The following YOD1 variants were observed in gnomAD, a reference collection of about 807,000 sequenced individuals.
YOD1 encodes the protein YOD1 deubiquitinase, also known as ubiquitin thioesterase OTU1.
A neutral mutation model predicts 23.7 loss-of-function variants in YOD1; 17 were observed. That is an observed-to-expected ratio of 0.72 (90% CI 0.49 to 1.07). The LOEUF (loss-of-function observed/expected upper bound fraction) is 1.07. YOD1 is among the 50% of genes least tolerant of loss of function. YOD1 has a pLI of 0.00. For synonymous variants in YOD1, 191 were observed against 169.6 expected (o/e 1.13, Z -0.98); for missense variants, 413 against 447.2 (o/e 0.92, Z 0.69).
intron 1 of YOD1, 87 bp from the exon 2 acceptor site, chr1:207,049,810 G>T: frequency 7.8e-7 from 1 of 1,274,674 alleles, no homozygotes; most frequent in East Asian, 2.5e-5. Flanking sequence ...ATTACAAACT[G>T]AAGGAGTTAA....
In YOD1 at chr1:207,049,134, A is replaced by T; in HGVS notation, c.933T>A (p.Thr311=). The T allele has an allele frequency of 1.2e-6, 2 of 1,614,142 alleles. 1 individual carries two copies. Among genetic ancestry groups the T allele is most frequent in the East Asian group, 4.5e-5 (2 of 44,860 alleles). Residue 311 remains threonine (T), a synonymous_variant, in exon 2 of 2, where the codon ACT becomes ACA. Coordinates refer to ENST00000315927, the MANE Select transcript of YOD1 (RefSeq NM_018566.4). ...ADEARRRRQF[T]DVNRFTLRCM... ...ATCTCAGGGTGAAGCGGTTGACATCAGTAAACTGTCTCCTTCTTCTAGCTT... is the reference window on the plus strand; with the variant it reads ...ATCTCAGGGTGAAGCGGTTGACATCTGTAAACTGTCTCCTTCTTCTAGCTT...
In YOD1 at chr1:207,048,803, G is replaced by C. The variant is rs1464020131; in HGVS notation, c.*217C>G. ...CTATTCTGTCACTCCAGCAGAAAGA[G>C]GCATGTATGTACAGTTTACCACTGT... is the stretch of plus-strand genomic sequence containing the variant. On this transcript the variant is annotated 3_prime_UTR_variant, in exon 2 of 2. Coordinates refer to ENST00000315927, the MANE Select transcript of YOD1 (RefSeq NM_018566.4). 3 of 523,684 alleles carry C rather than the reference G, an allele frequency of 5.7e-6. No homozygotes were observed. Among genetic ancestry groups the C allele is most frequent in the East Asian group, 3.2e-5 (1 of 30,912 alleles). 32.4% of individuals were successfully genotyped at this position (523,684 alleles called of 1,614,324 possible).
chr1:207,050,962 G>T lies in YOD1; in HGVS notation c.69C>A (p.Ser23=), dbSNP rs757828294. The T allele has an allele frequency of 1.3e-6, 2 of 1,556,182 alleles. No homozygotes were observed. The highest frequency in any genetic ancestry group is 1.7e-6 in the Non-Finnish European group (2 of 1,148,196). ...CAGCTTTGGTCCCGGCAGCCTGTTG[G>T]GAGACGCCGCCGGGGAAACCAGGCG... ...HPAPGFPGGV[S]QQAAGTKAGP... Residue 23 remains serine (S), a synonymous_variant, in exon 1 of 2, where the codon TCC becomes TCA. Coordinates refer to ENST00000315927, the MANE Select transcript of YOD1 (RefSeq NM_018566.4).
chr1:207,047,045 A>G lies in YOD1; in HGVS notation c.*1975T>C, dbSNP rs1682616244. ...ATCTAGTGGTATATTCTTAATTTAC[A>G]GTTTTAAATTTAGTATTTTCTGGGA... On this transcript the variant is annotated 3_prime_UTR_variant, in exon 2 of 2. Transcript: ENST00000315927. The G allele has an allele frequency of 6.6e-6, 1 of 152,494 alleles. No individual in the cohort carries two copies. Among genetic ancestry groups the G allele is most frequent in the Non-Finnish European group, 1.5e-5 (1 of 67,956 alleles). 9.4% of individuals were successfully genotyped at this position (152,494 alleles called of 1,614,324 possible).
Position 207,050,649 on chromosome 1 carries a change from C to T in YOD1, c.343+39G>A, listed in dbSNP as rs202149100. On this transcript the variant is annotated intron_variant, in intron 1 of 1. Transcript: ENST00000315927. The stretch of plus-strand genomic sequence containing the variant: ...GTTCTCTCTCACGCCCCTCTCCATC[C>T]TCCCGGGACTTTCCCTGGCCCCAGC... The T allele has an allele frequency of 1.5e-4, 247 of 1,606,506 alleles. No homozygotes were observed. In the African/African-American group the frequency reaches 3.1e-3, roughly 20 times the overall value.
chr1:207,044,326 A>C lies in YOD1; in HGVS notation c.*4694T>G, dbSNP rs1303531565. 11 of 152,612 alleles carry C rather than the reference A, an allele frequency of 7.2e-5. No individual in the cohort carries two copies. Among genetic ancestry groups the C allele is most frequent in the Non-Finnish European group, 5.9e-5 (4 of 67,988 alleles). The allele number at this position is 152,612 out of a possible 1,614,324, so 9.5% of individuals were successfully genotyped here. A position where few individuals can be genotyped will look rare whatever the true frequency, so the allele number is the denominator to read the frequency against. ...TTTCAAGGAAAAATACTATTCTGCT[A>C]AGTACATATTTCCTGTAAACAGCTG... On this transcript the variant is annotated 3_prime_UTR_variant, in exon 2 of 2. Coordinates refer to ENST00000315927, the MANE Select transcript of YOD1 (RefSeq NM_018566.4).
In YOD1 at chr1:207,050,998, TCCAAAATGGCGACCTTTAGCGGGGC is replaced by T; in HGVS notation, c.8_32del (p.Gly3GlufsTer108). ...CGGGGAAACCAGGCGCCGGGTGGAC[TCCAAAATGGCGACCTTTAGCGGGGC>T]CAAACATCGCGAGAAGTTGCGGGTG... On this transcript the variant is annotated frameshift_variant, in exon 1 of 2. Coordinates refer to ENST00000315927, the MANE Select transcript of YOD1 (RefSeq NM_018566.4). LOFTEE classifies it high-confidence loss of function. 6.5e-7 allele frequency: 1 copy of T among 1,527,356 alleles called. No individual in the cohort carries two copies. Among genetic ancestry groups the T allele is most frequent in the East Asian group, 2.5e-5 (1 of 40,620 alleles). 94.6% of individuals were successfully genotyped at this position (1,527,356 alleles called of 1,614,324 possible).
chr1:207,046,896 G>A lies in YOD1; in HGVS notation c.*2124C>T, dbSNP rs1028495876. 3 of 152,012 alleles carry A rather than the reference G, an allele frequency of 2.0e-5. No homozygotes were observed. The highest frequency in any genetic ancestry group is 6.5e-5 in the Admixed American group (1 of 15,270). The allele number at this position is 152,012 out of a possible 1,614,324, so 9.4% of individuals were successfully genotyped here. ...ATAAATTACTCAATAAATATTTGTT[G>A]CACGAATAAACTTCTAGATCTAAAG... On this transcript the variant is annotated 3_prime_UTR_variant, in exon 2 of 2. Transcript: ENST00000315927.
At position 207,050,956 on chromosome 1, in the gene YOD1, C is replaced by T; in HGVS notation, c.75G>A (p.Gln25=). 6.4e-7 allele frequency: 1 copy of T among 1,565,716 alleles called. No individual in the cohort carries two copies. Among genetic ancestry groups the T allele is most frequent in the Non-Finnish European group, 8.7e-7 (1 of 1,153,882 alleles). Residue 25 remains glutamine, a synonymous_variant, in exon 1 of 2, where the codon CAG becomes CAA. Transcript: ENST00000315927. Reference sequence around the variant, plus strand: ...CGGGGCCAGCTTTGGTCCCGGCAGCCTGTTGGGAGACGCCGCCGGGGAAAC... The same window carrying T: ...CGGGGCCAGCTTTGGTCCCGGCAGCTTGTTGGGAGACGCCGCCGGGGAAAC... ...APGFPGGVSQ[Q]AAGTKAGPAG... is the part of the protein sequence containing the mutation.
Position 207,049,305 on chromosome 1 carries a change from T to C in YOD1, c.762A>G (p.Gly254=). ...AAATAAGCAGAACCCTTTTGGTATA[T>C]CCTGCATCTTCCCCAAAACGATCAA... ...VRIDRFGEDA[G]YTKRVLLIYD... Residue 254 remains glycine, a synonymous_variant, in exon 2 of 2, where the codon GGA becomes GGG. Coordinates refer to ENST00000315927, the MANE Select transcript of YOD1 (RefSeq NM_018566.4). 1 of 1,614,118 alleles carries C rather than the reference T, an allele frequency of 6.2e-7. No homozygotes were observed. Among genetic ancestry groups the C allele is most frequent in the Non-Finnish European group, 8.5e-7 (1 of 1,180,016 alleles).
In YOD1 at chr1:207,043,940, A is replaced by G. The variant is rs537097659; in HGVS notation, c.*5080T>C. On this transcript the variant is annotated 3_prime_UTR_variant, in exon 2 of 2. Transcript: ENST00000315927. ...TACACCTCATAAATAAAATCAATGCATCTTAATGACAATGGCAAAATCACA... is the reference window on the plus strand; with the variant it reads ...TACACCTCATAAATAAAATCAATGCGTCTTAATGACAATGGCAAAATCACA... The G allele has an allele frequency of 2.6e-5, 4 of 152,764 alleles. No homozygotes were observed. In the East Asian group the frequency reaches 5.8e-4, roughly 22 times the overall value. 9.5% of individuals were successfully genotyped at this position (152,764 alleles called of 1,614,324 possible). A position where few individuals can be genotyped will look rare whatever the true frequency, so the allele number is the denominator to read the frequency against.
Position 207,048,442 on chromosome 1 carries a change from G to A in YOD1, c.*578C>T, listed in dbSNP as rs947817532. On this transcript the variant is annotated 3_prime_UTR_variant, in exon 2 of 2. Coordinates refer to ENST00000315927, the MANE Select transcript of YOD1 (RefSeq NM_018566.4). ...ATAAAATCAGTTTGGACAATTCTGA[G>A]TATCTTCATTTGATGAATCAATTCA... 3.2e-5 allele frequency: 5 copies of A among 153,930 alleles called. No individual in the cohort carries two copies. The highest frequency in any genetic ancestry group is 1.2e-4 in the African/African-American group (5 of 41,418). The allele number at this position is 153,930 out of a possible 1,614,324, so 9.5% of individuals were successfully genotyped here.
chr1:207,049,339 G>C lies in YOD1; in HGVS notation c.728C>G (p.Thr243Arg). Reference sequence around the variant, plus strand: ...TTCCCCAAAACGATCAATTCTTACTGTCTGTGTATCCACTACACATATTTC... The same window carrying C: ...TTCCCCAAAACGATCAATTCTTACTCTCTGTGTATCCACTACACATATTTC... ...QCEICVVDTQ[T>R]VRIDRFGEDA... is the part of the protein sequence containing the mutation. The change falls in exon 2 of 2, where the codon ACA becomes AGA. Residue 243 changes from threonine (T) to arginine (R), a missense_variant. Physicochemically the swap from Thr to Arg is moderately conservative, Grantham distance 71. Coordinates refer to ENST00000315927, the MANE Select transcript of YOD1 (RefSeq NM_018566.4). 1.2e-6 allele frequency: 2 copies of C among 1,614,078 alleles called. No homozygotes were observed. Among genetic ancestry groups the C allele is most frequent in the Non-Finnish European group, 1.7e-6 (2 of 1,180,018 alleles).
chr1:207,051,829 G>T (rs1237589034), upstream of YOD1, among the ~76,000 whole-genome samples: 4 of 152,180 alleles, frequency 2.6e-5, no homozygotes, highest in Admixed American at 6.5e-5. Flanking sequence ...TGTATGCCTA[G>T]AACCCAGGAC....
chr1:207,051,020 G>A lies in YOD1; in HGVS notation c.11C>T (p.Pro4Leu), dbSNP rs534842552. The A allele has an allele frequency of 4.0e-6, 6 of 1,509,550 alleles. No homozygotes were observed. The East Asian group carries it at 1.5e-4, about 37-fold the overall frequency. 93.5% of individuals were successfully genotyped at this position (1,509,550 alleles called of 1,614,324 possible). Reference sequence around the variant, plus strand: ...GACTCCAAAATGGCGACCTTTAGCGGGGCCAAACATCGCGAGAAGTTGCGG... The same window carrying A: ...GACTCCAAAATGGCGACCTTTAGCGAGGCCAAACATCGCGAGAAGTTGCGG... MFG[P>L]AKGRHFGVHP... The change falls in exon 1 of 2, where the codon CCC becomes CTC. Residue 4 changes from proline to leucine, a missense_variant. Transcript: ENST00000315927.
Position 207,048,294 on chromosome 1 carries a change from G to A in YOD1, c.*726C>T, listed in dbSNP as rs1293985323. ...TTTTATATGCTAGAGATCTTAAACA[G>A]GGCACAATCAGTTCCTGTTTTGTGA... On this transcript the variant is annotated 3_prime_UTR_variant, in exon 2 of 2. Coordinates refer to ENST00000315927, the MANE Select transcript of YOD1 (RefSeq NM_018566.4). 6.6e-6 allele frequency: 1 copy of A among 152,624 alleles called. No homozygotes were observed. The highest frequency in any genetic ancestry group is 1.5e-5 in the Non-Finnish European group (1 of 68,074). 9.5% of individuals were successfully genotyped at this position (152,624 alleles called of 1,614,324 possible).
upstream of YOD1, chr1:207,052,102 C>T (rs1201606239): frequency 7.3e-6 from 9 of 1,224,584 alleles, no homozygotes; most frequent in South Asian, 1.3e-5. Flanking sequence ...GCAAGTCCCA[C>T]TTGCCAAGAG....
At chr1:207,051,377 C>G (rs922134800), upstream of YOD1, among the ~76,000 whole-genome samples, 1 of 152,174 alleles carries the variant, frequency 6.6e-6, no homozygotes, top group Non-Finnish European at 1.5e-5. Flanking sequence ...GAAACAGAAT[C>G]ATAGTTCACA....
rs1406970687 is a variant in YOD1 at position 207,044,343 on chromosome 1, A to C, written c.*4677T>G. 6.6e-6 allele frequency: 1 copy of C among 152,572 alleles called. No homozygotes were observed. Among genetic ancestry groups the C allele is most frequent in the Non-Finnish European group, 1.5e-5 (1 of 67,980 alleles). 9.5% of individuals were successfully genotyped at this position (152,572 alleles called of 1,614,324 possible). On this transcript the variant is annotated 3_prime_UTR_variant, in exon 2 of 2. Coordinates refer to ENST00000315927, the MANE Select transcript of YOD1 (RefSeq NM_018566.4). ...ATTCTGCTAAGTACATATTTCCTGTAAACAGCTGGAGTCCTGAATGGCACC... is the reference window on the plus strand; with the variant it reads ...ATTCTGCTAAGTACATATTTCCTGTCAACAGCTGGAGTCCTGAATGGCACC...
Sources: allele counts gnomAD v4.1 joint callset (sites outside exome capture counted in the v4.1 genomes callset), GRCh38; gene constraint gnomAD v4.1.1; transcripts MANE v1.5; gene names NCBI Gene and HGNC (gene_info 2026-07-23, HGNC 2026-07-21).